The following UMODL1 variants were observed in gnomAD, a reference collection of about 807,000 sequenced individuals.
UMODL1 encodes the protein uromodulin-like 1.
Under a neutral mutation model 136.3 loss-of-function variants are expected in UMODL1, and 128 were observed. The ratio of observed to expected loss-of-function variants is 0.94; its 90% CI spans 0.81 to 1.09. The LOEUF (loss-of-function observed/expected upper bound fraction) is 1.09, where lower values mean the gene tolerates loss of function less well. Among genes scored for constraint, UMODL1 ranks in the 50% least tolerant of loss-of-function variants. UMODL1 has a pLI of 0.00. For synonymous variants in UMODL1, 721 were observed against 720.0 expected (o/e 1.00, Z -0.02); for missense variants, 1,766 against 1,725.6 (o/e 1.02, Z -0.41).
At chr21:42,104,224 A>G in intron 9 of UMODL1, 137 bp downstream of exon 9, 1 of 974,586 alleles carries the variant, frequency 1.0e-6, no homozygotes, top group Non-Finnish European at 1.5e-6. Flanking sequence ...CCTCCACCGG[A>G]ACCAGGGGCC....
rs372472867 is a variant in UMODL1, at chr21:42,099,028, G to A, written c.1034G>A (p.Arg345Gln). 174 of 1,614,068 alleles carry A rather than the reference G, an allele frequency of 1.1e-4. No individual in the cohort carries two copies. The highest frequency in any genetic ancestry group is 1.3e-4 in the Non-Finnish European group (159 of 1,180,046). The change falls in exon 7 of 23, where the codon CGG becomes CAG. Residue 345 changes from arginine to glutamine, a missense_variant. Transcript: ENST00000408910. This position sits in a 1 kb window ranked among gnomAD's most constrained non-coding sequence, Gnocchi z 4.1. The stretch of plus-strand genomic sequence containing the variant: ...ACACAGAACCACACTTTCCATGTCC[G>A]GGTTTACCGGGGTATGGAGTTGCTC... ...NSTQNHTFHV[R>Q]VYRGMELLRS...
intron 22 of UMODL1, among the ~76,000 whole-genome samples, chr21:42,140,070 T>C (rs937862130): frequency 6.6e-5 from 10 of 152,170 alleles, no homozygotes; most frequent in African/African-American, 2.4e-4. Flanking sequence ...CATTTTAAGA[T>C]TGGAGCCAGT....
At chr21:42,106,139 G>C (rs1422252491) in intron 9 of UMODL1, among the ~76,000 whole-genome samples, 2 of 152,180 alleles carry the variant, frequency 1.3e-5, no homozygotes, top group Admixed American at 6.5e-5. Context: ...CCCTGCCTCT[G>C]CACTCTTTTG....
At position 42,099,430 on chromosome 21, in the gene UMODL1, G is replaced by A. The variant is rs2066600222; in HGVS notation, c.1186+250G>A. On this transcript the variant is annotated intron_variant, in intron 7 of 22. Coordinates refer to ENST00000408910, the MANE Select transcript of UMODL1 (RefSeq NM_001004416.3). The surrounding 1 kb of genome is among the most constrained non-coding windows in gnomAD (Gnocchi z 4.1). The stretch of plus-strand genomic sequence containing the variant: ...GTTAGGGGTTCGTTCTGCCGTGTGA[G>A]GGGACAACATGTGGACTCAGAAGCA... Among the ~76,000 whole-genome samples the A allele has an allele frequency of 6.6e-6, 1 of 152,148 alleles. No individual in the cohort carries two copies. Among genetic ancestry groups the A allele is most frequent in the Non-Finnish European group, 1.5e-5 (1 of 68,028 alleles).
At chr21:42,113,517 C>G (rs2146510016) in intron 12 of UMODL1, 56 bp from the exon 13 acceptor site, 8 of 1,569,448 alleles carry the variant, frequency 5.1e-6, no homozygotes, top group Non-Finnish European at 6.1e-6. Context: ...GGCGAGGCTT[C>G]TTTTCTCCTA....
intron 1 of UMODL1, among the ~76,000 whole-genome samples, chr21:42,071,611 T>C (rs1242679380): frequency 6.6e-6 from 1 of 151,892 alleles, no homozygotes; most frequent in African/African-American, 2.4e-5. Context: ...GGAAGAGGAC[T>C]CCCCCAGTGG....
At chr21:42,063,683 G>A (rs1283798975) in intron 1 of UMODL1, among the ~76,000 whole-genome samples, 1 of 152,204 alleles carries the variant, frequency 6.6e-6, no homozygotes, top group Non-Finnish European at 1.5e-5. Context: ...ACTGGTGCAC[G>A]CAAGGAGCTA....
At chr21:42,135,316 T>C (rs1046407851) in intron 21 of UMODL1, among the ~76,000 whole-genome samples, 2 of 152,190 alleles carry the variant, frequency 1.3e-5, no homozygotes, top group African/African-American at 4.8e-5. Flanking sequence ...AATCTGGCCA[T>C]GGGGAGTAAC....
At chr21:42,109,759 G>T in intron 10 of UMODL1, 60 bp downstream of exon 10, 1 of 1,575,584 alleles carries the variant, frequency 6.3e-7, no homozygotes, top group Non-Finnish European at 8.6e-7. Flanking sequence ...TCTGGGGGTG[G>T]GGCAAAGCCC....
Position 42,119,144 on chromosome 21 carries a change from C to T in UMODL1, c.2509C>T (p.His837Tyr), listed in dbSNP as rs751954331. Reference protein sequence around the residue: ...RGSLPATMCQHMDAGGVRMEV... With the variant: ...RGSLPATMCQYMDAGGVRMEV... ...CTCCCTGCCAGCCACCATGTGTCAGCACATGGACGCTGGTGGGGTCAGGAT... is the reference window on the plus strand; with the variant it reads ...CTCCCTGCCAGCCACCATGTGTCAGTACATGGACGCTGGTGGGGTCAGGAT... The change falls in exon 15 of 23, where the codon CAC (histidine) becomes TAC (tyrosine). Residue 837 changes from histidine (H) to tyrosine (Y), a missense_variant. Coordinates refer to ENST00000408910, the MANE Select transcript of UMODL1 (RefSeq NM_001004416.3). 2.5e-6 allele frequency: 4 copies of T among 1,613,594 alleles called. No individual in the cohort carries two copies. Among genetic ancestry groups the T allele is most frequent in the African/African-American group, 1.3e-5 (1 of 74,946 alleles).
chr21:42,074,675 G>A (rs2066267482), intron 1 of UMODL1, among the ~76,000 whole-genome samples: 1 of 152,170 alleles, frequency 6.6e-6, no homozygotes, highest in African/African-American at 2.4e-5. Flanking sequence ...TTGTCCTGCA[G>A]CGGGGGTGAC....
intron 19 of UMODL1, 146 bp from the exon 20 acceptor site, chr21:42,127,526 G>A (rs2067075543): frequency 9.6e-7 from 1 of 1,037,908 alleles, no homozygotes. Context: ...GGGTTTTGGG[G>A]AACAAATGAG....
At position 42,111,827 on chromosome 21, in the gene UMODL1, G is replaced by A. The variant is rs142379880; in HGVS notation, c.2104+117G>A. 6.4e-4 allele frequency: 700 copies of A among 1,085,464 alleles called. 5 individuals are homozygous for A. The African/African-American group carries it at 9.7e-3, about 15-fold the overall frequency. The allele number at this position is 1,085,464 out of a possible 1,614,324, so 67.2% of individuals were successfully genotyped here. A position where few individuals can be genotyped will look rare whatever the true frequency, so the allele number is the denominator to read the frequency against. ...CGCAGGCTGCTAGCAATGCTCAGGC[G>A]GCATCCTCATCTTGTGCGTGTGGAA... On this transcript the variant is annotated intron_variant, in intron 12 of 22. Transcript: ENST00000408910.
At chr21:42,121,519 A>G (rs779386454) in intron 16 of UMODL1, among the ~76,000 whole-genome samples, 5 of 152,344 alleles carry the variant, frequency 3.3e-5, no homozygotes, top group African/African-American at 1.2e-4. Flanking sequence ...ATACACATAC[A>G]TGAGGTGTGA....
intron 12 of UMODL1, among the ~76,000 whole-genome samples, chr21:42,113,279 G>A (rs1269085627): frequency 6.6e-6 from 1 of 151,918 alleles, no homozygotes; most frequent in Non-Finnish European, 1.5e-5. Context: ...TGCTCAAGAG[G>A]CCTTCATTTT....
At position 42,127,729 on chromosome 21, in the gene UMODL1, C is replaced by G; in HGVS notation, c.3588C>G (p.Ala1196=). Residue 1196 remains alanine, a synonymous_variant, in exon 20 of 23, where the codon GCC becomes GCG. Coordinates refer to ENST00000408910, the MANE Select transcript of UMODL1 (RefSeq NM_001004416.3). The part of the protein sequence containing the change: ...NVIENGNSNK[A]QFKLRIFSFI... ...TTGAGAACGGCAACTCCAATAAGGC[C>G]CAGTTCAAGCTGAGGATCTTTTCCT... The G allele has an allele frequency of 6.2e-7, 1 of 1,614,204 alleles. No individual in the cohort carries two copies. Among genetic ancestry groups the G allele is most frequent in the Non-Finnish European group, 8.5e-7 (1 of 1,180,042 alleles).
At chr21:42,064,427 C>T (rs1382377148) in intron 1 of UMODL1, among the ~76,000 whole-genome samples, 3 of 152,206 alleles carry the variant, frequency 2.0e-5, no homozygotes, top group African/African-American at 4.8e-5. Flanking sequence ...CCTACGTTGG[C>T]ACGGGAACTA....
chr21:42,134,418 A>T (rs1242261114), intron 21 of UMODL1, among the ~76,000 whole-genome samples: 1 of 152,086 alleles, frequency 6.6e-6, no homozygotes, highest in East Asian at 1.9e-4. Flanking sequence ...TCCCTGTGCT[A>T]AAAGGCCAAG....
At chr21:42,092,392 TG>T (rs2066501978) in intron 6 of UMODL1, among the ~76,000 whole-genome samples, 1 of 119,152 alleles carries the variant, frequency 8.4e-6, no homozygotes, top group Non-Finnish European at 1.9e-5. Flanking sequence ...AGGGTTTTTT[TG>T]TTTTTTTTTT....
Sources: gnomAD v4.1 joint callset for allele counts (sites outside exome capture counted in the v4.1 genomes callset) on GRCh38, gnomAD v4.1.1 for gene constraint, Gnocchi (gnomAD v3.1) non-coding constraint, MANE v1.5 for transcripts, NCBI Gene and HGNC (gene_info 2026-07-23, HGNC 2026-07-21) for gene names.